Variants in LOXHD1 observed in about 807,000 individuals in gnomAD.
The protein encoded by LOXHD1 is lipoxygenase homology domain-containing protein 1.
Under a neutral mutation model 248.2 loss-of-function variants are expected in LOXHD1, and 205 were observed. That is an observed-to-expected ratio of 0.83 (90% confidence interval 0.74 to 0.93). The LOEUF is 0.93. Among genes scored for constraint, LOXHD1 ranks in the 40% least tolerant of loss-of-function variants. LOXHD1 has a pLI of 0.00. For synonymous variants in LOXHD1, 1,113 were observed against 1,162.8 expected, an observed-to-expected ratio of 0.96 and a Z score of 0.87; for missense variants, 2,930 against 2,971.6, an observed-to-expected ratio of 0.99 and a Z score of 0.33.
In LOXHD1 at chr18:46,604,140, T is replaced by C. The variant is rs1380044259; in HGVS notation, c.849A>G (p.Gln283=). Residue 283 remains glutamine, a synonymous_variant, in exon 7 of 41, where the codon CAA becomes CAG. Coordinates refer to ENST00000642948, the MANE Select transcript of LOXHD1 (RefSeq NM_001384474.1). The part of the protein sequence containing the change: ...LALDEDDGKI[Q]RDILVGGAET... Reference sequence around the variant, plus strand: ...CAGCTCCGCCCACTAAGATATCCCTTTGGATTTTGCCATCGTCTTCGTCCA... The same window carrying C: ...CAGCTCCGCCCACTAAGATATCCCTCTGGATTTTGCCATCGTCTTCGTCCA... The C allele has an allele frequency of 6.4e-7, 1 of 1,551,728 alleles. No homozygotes were observed. The highest frequency in any genetic ancestry group is 2.4e-5 in the East Asian group (1 of 40,926).
chr18:46,609,653 G>C (rs192384712), intron 6 of LOXHD1, among the ~76,000 whole-genome samples: 4 of 152,278 alleles, frequency 2.6e-5, no homozygotes, highest in African/African-American at 9.6e-5. Context: ...TTTTCTAACG[G>C]ACCTCAGCCT....
intron 2 of LOXHD1, among the ~76,000 whole-genome samples, chr18:46,645,127 C>A (rs544288537): frequency 7.9e-5 from 12 of 152,360 alleles, no homozygotes; most frequent in African/African-American, 2.6e-4. Flanking sequence ...AAATAAGCCC[C>A]CAACTCAGGA....
intron 4 of LOXHD1, among the ~76,000 whole-genome samples, chr18:46,627,473 G>A (rs1343936462): frequency 2.0e-5 from 3 of 152,028 alleles, no homozygotes; most frequent in Non-Finnish European, 2.9e-5. Context: ...TCAGATTTTC[G>A]TGTGTACAAA....
intron 6 of LOXHD1, among the ~76,000 whole-genome samples, chr18:46,606,847 C>T (rs1383396958): frequency 6.6e-6 from 1 of 152,040 alleles, no homozygotes; most frequent in South Asian, 2.1e-4. Context: ...CATGGTAGAT[C>T]TAAAACACTT....
At chr18:46,506,153 C>A in intron 36 of LOXHD1, 130 bp from the exon 37 acceptor site, 1 of 938,724 alleles carries the variant, frequency 1.1e-6, no homozygotes, top group Non-Finnish European at 1.6e-6. Flanking sequence ...CTCAAGAAGG[C>A]CAGGGGTGAG....
intron 31 of LOXHD1, among the ~76,000 whole-genome samples, chr18:46,522,684 A>T (rs1171411962): frequency 6.6e-6 from 1 of 152,246 alleles, no homozygotes; most frequent in Non-Finnish European, 1.5e-5. Flanking sequence ...CCTATGGTCA[A>T]CAAAAATGCT....
intron 2 of LOXHD1, among the ~76,000 whole-genome samples, chr18:46,646,871 G>A (rs373028519): frequency 2.0e-5 from 3 of 152,344 alleles, no homozygotes; most frequent in African/African-American, 2.4e-5. Context: ...AGAACTGGGA[G>A]AGATGCTGGC....
At chr18:46,493,597 A>G (rs2033639452) in intron 37 of LOXHD1, among the ~76,000 whole-genome samples, 1 of 152,232 alleles carries the variant, frequency 6.6e-6, no homozygotes, top group Non-Finnish European at 1.5e-5. Flanking sequence ...GTGGATGGGA[A>G]AAAGAATTCA....
chr18:46,600,503 C>T (rs2038317667), intron 8 of LOXHD1, among the ~76,000 whole-genome samples: 2 of 151,938 alleles, frequency 1.3e-5, no homozygotes, highest in African/African-American at 4.8e-5. Context: ...GAGGCTGAGG[C>T]AGGAGAATCA....
At chr18:46,574,705 C>T (rs1168100076) in intron 14 of LOXHD1, among the ~76,000 whole-genome samples, 4 of 152,136 alleles carry the variant, frequency 2.6e-5, no homozygotes, top group African/African-American at 9.7e-5. Context: ...TCTCTTCCGC[C>T]CAGCCATCAG....
At chr18:46,533,751 C>G (rs1184020292) in intron 27 of LOXHD1, 1 of 317,648 alleles carries the variant, frequency 3.1e-6, no homozygotes, top group Non-Finnish European at 6.3e-6. Context: ...TGGTGAAACC[C>G]CATCTCTACT....
chr18:46,546,988 G>A lies in LOXHD1; in HGVS notation c.3421C>T (p.Pro1141Ser). Reference sequence around the variant, plus strand: ...GGCAGCACATAGGACTCATCCACTGGCAACAGCTCCCTGGACAGCTGGCCA... The same window carrying A: ...GGCAGCACATAGGACTCATCCACTGACAACAGCTCCCTGGACAGCTGGCCA... ...DDGQLSRELL[P>S]VDESYVLPQS... The change falls in exon 22 of 41, where the codon CCA (proline) becomes TCA (serine). Residue 1141 changes from proline (P) to serine (S), a missense_variant. Pro to Ser is a moderately conservative substitution (Grantham distance 74). Coordinates refer to ENST00000642948, the MANE Select transcript of LOXHD1 (RefSeq NM_001384474.1). 6.4e-7 allele frequency: 1 copy of A among 1,551,750 alleles called. No individual in the cohort carries two copies. Among genetic ancestry groups the A allele is most frequent in the Non-Finnish European group, 8.7e-7 (1 of 1,147,004 alleles).
chr18:46,495,020 TTTTTG>T (rs566144477), intron 37 of LOXHD1, among the ~76,000 whole-genome samples: 4 of 151,862 alleles, frequency 2.6e-5, no homozygotes, highest in Admixed American at 2.0e-4. Flanking sequence ...CGCCCGGCTT[TTTTTG>T]TTTTGTTTTG....
intron 26 of LOXHD1, among the ~76,000 whole-genome samples, chr18:46,535,162 T>C (rs1373186231): frequency 6.6e-6 from 1 of 152,164 alleles, no homozygotes; most frequent in Non-Finnish European, 1.5e-5. Flanking sequence ...CATTTATTTG[T>C]GTGACACCTA....
chr18:46,519,959 AAAGGGCTCC>A (rs987834004), intron 33 of LOXHD1, among the ~76,000 whole-genome samples: 1 of 149,132 alleles, frequency 6.7e-6, no homozygotes, highest in African/African-American at 2.5e-5. Flanking sequence ...TTCCTGGACT[AAAGGGCTCC>A]AAGGGAGCTG....
In LOXHD1 at chr18:46,640,431, C is replaced by T. The variant is rs549362125; in HGVS notation, c.327-631G>A. On this transcript the variant is annotated intron_variant, in intron 3 of 40. Coordinates refer to ENST00000642948, the MANE Select transcript of LOXHD1 (RefSeq NM_001384474.1). ...CTTAGTCCTACAATCCAGAGGACCC[C>T]TATGGCCATCTAGACCAGGGTGGTC... is the stretch of plus-strand genomic sequence containing the variant. Among the ~76,000 whole-genome samples, 8 of 152,334 alleles carry T rather than the reference C, an allele frequency of 5.3e-5. No individual in the cohort carries two copies. The South Asian group carries it at 1.7e-3, about 32-fold the overall frequency.
intron 34 of LOXHD1, among the ~76,000 whole-genome samples, chr18:46,515,670 G>A (rs911674316): frequency 6.6e-6 from 1 of 152,170 alleles, no homozygotes; most frequent in South Asian, 2.1e-4. Context: ...GAAAATCCAG[G>A]AATATGGGGT....
At chr18:46,656,849 C>T (rs895004929) in intron 1 of LOXHD1, 55 bp downstream of exon 1, 4 of 1,538,168 alleles carry the variant, frequency 2.6e-6, no homozygotes, top group Non-Finnish European at 3.5e-6. Flanking sequence ...GGAACAGACC[C>T]CTGCCCACCG....
intron 7 of LOXHD1, among the ~76,000 whole-genome samples, chr18:46,603,844 A>G (rs2038374603): frequency 6.6e-6 from 1 of 152,256 alleles, no homozygotes. Flanking sequence ...AGAAGTTCAC[A>G]TTCTGGCTTC....
Sources: allele counts gnomAD v4.1 joint callset (sites outside exome capture counted in the v4.1 genomes callset), GRCh38; gene constraint gnomAD v4.1.1; transcripts MANE v1.5; gene names NCBI Gene and HGNC (gene_info 2026-07-23, HGNC 2026-07-21).